Variants in TBX18 observed in about 807,000 individuals in gnomAD.
TBX18 encodes T-box transcription factor TBX18.
Under a neutral mutation model 55.0 loss-of-function variants are expected in TBX18, and 21 were observed. That is an observed-to-expected ratio of 0.38 (90% CI 0.27 to 0.55). TBX18 has a LOEUF of 0.55. Among genes scored for constraint, TBX18 ranks in the 20% least tolerant of loss-of-function variants. The probability of loss-of-function intolerance (pLI) is 0.73; values close to 1 mark genes in which losing one functional copy is unlikely to be tolerated. For missense variants in TBX18, 840 were observed against 799.6 expected (o/e 1.05, Z -0.61); for synonymous variants, 342 against 326.1 (o/e 1.05, Z -0.53).
intron 6 of TBX18, among the ~76,000 whole-genome samples, chr6:84,739,051 T>G (rs1766972390): frequency 6.6e-6 from 1 of 152,102 alleles, no homozygotes; most frequent in Non-Finnish European, 1.5e-5. Context: ...TGCCCATCAT[T>G]TGGTGCCTCA....
At position 84,762,685 on chromosome 6, in the gene TBX18, T is replaced by C. The variant is rs1767686442; in HGVS notation, c.356A>G (p.Lys119Arg). ...SPLASPGGSP[K>R]GSPARSLARP... ...GGCCAGGGAGCGCGCCGGAGACCCC[T>C]TGGGGGAGCCTCCCGGTGACGCCAG... is the stretch of plus-strand genomic sequence containing the variant. The change falls in exon 2 of 8, where the codon AAG becomes AGG. Residue 119 changes from lysine (K) to arginine (R), a missense_variant. Physicochemically the swap from Lys to Arg is conservative, Grantham distance 26. Transcript: ENST00000369663. 3 of 1,610,466 alleles carry C rather than the reference T, an allele frequency of 1.9e-6. No individual in the cohort carries two copies. Among genetic ancestry groups the C allele is most frequent in the South Asian group, 1.1e-5 (1 of 90,858 alleles).
At chr6:84,751,836 C>G (rs1767357116) in intron 4 of TBX18, among the ~76,000 whole-genome samples, 2 of 152,128 alleles carry the variant, frequency 1.3e-5, no homozygotes, top group African/African-American at 4.8e-5. Flanking sequence ...ATTGGGGGCT[C>G]TGAGGTGGGC....
At position 84,734,309 on chromosome 6, in the gene TBX18, T is replaced by C. The variant is rs564255259; in HGVS notation, c.*2376A>G. ...GAAATTACATTTAACACATGAAACATGAACAGCAGGCCCATTTCTTTCTGC... is the reference window on the plus strand; with the variant it reads ...GAAATTACATTTAACACATGAAACACGAACAGCAGGCCCATTTCTTTCTGC... On this transcript the variant is annotated 3_prime_UTR_variant, in exon 8 of 8. Transcript: ENST00000369663. The C allele has an allele frequency of 6.6e-6, 1 of 152,308 alleles. No homozygotes were observed. The highest frequency in any genetic ancestry group is 2.1e-4 in the South Asian group (1 of 4,828). The allele number at this position is 152,308 out of a possible 1,614,324, so 9.4% of individuals were successfully genotyped here. A position where few individuals can be genotyped will look rare whatever the true frequency, so the allele number is the denominator to read the frequency against.
rs1038767616 is a variant in TBX18, at chr6:84,737,002, G to T, written c.1507C>A (p.Pro503Thr). Residue 503 changes from proline to threonine, a missense_variant, in exon 8 of 8, where the codon CCC becomes ACC. Physicochemically the swap from Pro to Thr is conservative, Grantham distance 38. Coordinates refer to ENST00000369663, the MANE Select transcript of TBX18 (RefSeq NM_001080508.3). The stretch of plus-strand genomic sequence containing the variant: ...TTAGTGGCGAAGGCATTGCTGGAGG[G>T]TGATGGCATGATATACTGGAGCTGG... The part of the protein sequence containing the change: ...SPQLQYIMPS[P>T]SSNAFATNQT... The T allele has an allele frequency of 1.2e-6, 2 of 1,613,400 alleles. No individual in the cohort carries two copies. Among genetic ancestry groups the T allele is most frequent in the Admixed American group, 1.7e-5 (1 of 59,968 alleles).
Position 84,734,375 on chromosome 6 carries a change from A to ATG in TBX18, c.*2308_*2309dup, listed in dbSNP as rs1335295682. 4 of 152,166 alleles carry ATG rather than the reference A, an allele frequency of 2.6e-5. No homozygotes were observed. The East Asian group carries it at 5.8e-4, about 22-fold the overall frequency. The allele number at this position is 152,166 out of a possible 1,614,324, so 9.4% of individuals were successfully genotyped here. A position where few individuals can be genotyped will look rare whatever the true frequency, so the allele number is the denominator to read the frequency against. On this transcript the variant is annotated 3_prime_UTR_variant, in exon 8 of 8. Transcript: ENST00000369663. ...TACAGAATTTGCGTTTGGGGTGTGC[A>ATG]TGTGTGTGCTTATTCTTGGATCAAT...
intron 4 of TBX18, among the ~76,000 whole-genome samples, chr6:84,749,487 CT>C (rs5877913): frequency 0.58 from 84,926 of 145,174 alleles, 24,604 homozygotes; most frequent in Non-Finnish European, 0.64. Flanking sequence ...TTTTTTTTTT[CT>C]TTTTTTTTTT....
At chr6:84,761,801 T>G (rs978705571) in intron 2 of TBX18, among the ~76,000 whole-genome samples, 1 of 152,194 alleles carries the variant, frequency 6.6e-6, no homozygotes, top group African/African-American at 2.4e-5. Flanking sequence ...TCACACTTTT[T>G]AAAAAACCGA....
In TBX18 at chr6:84,752,318, T is replaced by C. The variant is rs562484461; in HGVS notation, c.772-4231A>G. On this transcript the variant is annotated intron_variant, in intron 4 of 7. Coordinates refer to ENST00000369663, the MANE Select transcript of TBX18 (RefSeq NM_001080508.3). ...AAAACACTCCCTGCTGACTGGAAATTTTCCAGATGACCTAAATTCCCATGA... is the reference window on the plus strand; with the variant it reads ...AAAACACTCCCTGCTGACTGGAAATCTTCCAGATGACCTAAATTCCCATGA... Among the ~76,000 whole-genome samples, 6 of 152,256 alleles carry C rather than the reference T, an allele frequency of 3.9e-5. No homozygotes were observed. The East Asian group carries it at 1.2e-3, about 29-fold the overall frequency.
Position 84,733,646 on chromosome 6 carries a change from C to T in TBX18, c.*3039G>A, listed in dbSNP as rs1773862011. On this transcript the variant is annotated 3_prime_UTR_variant, in exon 8 of 8. Transcript: ENST00000369663. ...ATCTCTCTTCTTGCACCTTCTCCTT[C>T]CCATACAAATCTTCCCAGAATTGTC... 6.6e-6 allele frequency: 1 copy of T among 152,294 alleles called. No homozygotes were observed. Among genetic ancestry groups the T allele is most frequent in the East Asian group, 1.9e-4 (1 of 5,178 alleles). The allele number at this position is 152,294 out of a possible 1,614,324, so 9.4% of individuals were successfully genotyped here.
chr6:84,734,065 C>T lies in TBX18; in HGVS notation c.*2620G>A, dbSNP rs967684170. 1 of 152,136 alleles carries T rather than the reference C, an allele frequency of 6.6e-6. No individual in the cohort carries two copies. The highest frequency in any genetic ancestry group is 1.5e-5 in the Non-Finnish European group (1 of 68,052). The allele number at this position is 152,136 out of a possible 1,614,324, so 9.4% of individuals were successfully genotyped here. ...TGGTCTTGATAGCAGCAACCTCACC[C>T]CATCGCGATGTCCCTTGGAATGTTT... is the stretch of plus-strand genomic sequence containing the variant. On this transcript the variant is annotated 3_prime_UTR_variant, in exon 8 of 8. Transcript: ENST00000369663.
At chr6:84,739,132 C>A (rs1047015623) in intron 6 of TBX18, among the ~76,000 whole-genome samples, 44 of 152,074 alleles carry the variant, frequency 2.9e-4, no homozygotes, top group African/African-American at 9.9e-4. Flanking sequence ...CTCTACTACA[C>A]CCAGTGTAGC....
intron 4 of TBX18, among the ~76,000 whole-genome samples, chr6:84,749,872 C>T (rs970610484): frequency 2.6e-5 from 4 of 152,100 alleles, no homozygotes; most frequent in Admixed American, 2.6e-4. Flanking sequence ...ACAGAAGCAA[C>T]ATTTAATTCT....
chr6:84,762,533 T>A lies in TBX18; in HGVS notation c.497+11A>T. ...GGTAGGGAGGGGCGTCCACGCCAGCTTGCCCATTACCTGCCGGCCTTGGTG... is the reference window on the plus strand; with the variant it reads ...GGTAGGGAGGGGCGTCCACGCCAGCATGCCCATTACCTGCCGGCCTTGGTG... On this transcript the variant is annotated intron_variant, in intron 2 of 7. Transcript: ENST00000369663. 2 of 1,613,970 alleles carry A rather than the reference T, an allele frequency of 1.2e-6. No homozygotes were observed. The highest frequency in any genetic ancestry group is 1.7e-6 in the Non-Finnish European group (2 of 1,180,004).
At chr6:84,762,892 G>T in intron 1 of TBX18, 144 bp from the exon 2 acceptor site, 1 of 739,230 alleles carries the variant, frequency 1.4e-6, no homozygotes, top group East Asian at 2.7e-5. Flanking sequence ...TCCTCCTAAA[G>T]AACAAGCCAG....
chr6:84,743,514 A>G (rs1767099777), intron 6 of TBX18, among the ~76,000 whole-genome samples: 3 of 152,174 alleles, frequency 2.0e-5, no homozygotes, highest in Non-Finnish European at 1.5e-5. Flanking sequence ...CAGAAGCCTT[A>G]CTCTGAAAAG....
At position 84,760,365 on chromosome 6, in the gene TBX18, A is replaced by G; in HGVS notation, c.498-9T>C. ...TTGCTGGAAACATGCGCCTATTTAA[A>G]AAGGCGAAGAGAAAGAGGGTTTGGG... On this transcript the variant is annotated splice_polypyrimidine_tract_variant and intron_variant, in intron 2 of 7. Coordinates refer to ENST00000369663, the MANE Select transcript of TBX18 (RefSeq NM_001080508.3). 6.3e-7 allele frequency: 1 copy of G among 1,593,304 alleles called. No homozygotes were observed. Among genetic ancestry groups the G allele is most frequent in the Non-Finnish European group, 8.6e-7 (1 of 1,168,040 alleles).
intron 5 of TBX18, among the ~76,000 whole-genome samples, chr6:84,746,242 G>C (rs1322020617): frequency 6.6e-6 from 1 of 151,884 alleles, no homozygotes; most frequent in Non-Finnish European, 1.5e-5. Flanking sequence ...GAGACAAAAA[G>C]AGAGGAAGAG....
intron 3 of TBX18, among the ~76,000 whole-genome samples, chr6:84,757,811 A>G (rs1485962945): frequency 6.6e-6 from 1 of 151,980 alleles, no homozygotes; most frequent in Non-Finnish European, 1.5e-5. Context: ...AGAAACTAGT[A>G]TAACAATGAA....
chr6:84,744,429 C>G, intron 5 of TBX18, 104 bp from the exon 6 acceptor site: 1 of 910,498 alleles, frequency 1.1e-6, no homozygotes, highest in South Asian at 1.6e-5. Context: ...TTAGAGGACT[C>G]TATTGTATAA....
Sources: gnomAD v4.1 joint callset for allele counts (sites outside exome capture counted in the v4.1 genomes callset) on GRCh38, gnomAD v4.1.1 for gene constraint, MANE v1.5 for transcripts, NCBI Gene and HGNC (gene_info 2026-07-23, HGNC 2026-07-21) for gene names.